Variants in CYREN observed in about 807,000 individuals in gnomAD.
CYREN encodes cell cycle regulator of non-homologous end joining.
Under a neutral mutation model 9.7 loss-of-function variants are expected in CYREN, and 7 were observed. The observed-to-expected ratio is 0.72, with a 90% CI of 0.41 to 1.36. CYREN has a LOEUF of 1.36. Ranked by LOEUF, CYREN falls within the 40% of genes most tolerant of loss-of-function variation. CYREN has a pLI of 0.01. For missense variants in CYREN, 215 were observed against 198.1 expected (o/e 1.09, Z -0.51); for synonymous variants, 76 against 77.9 (o/e 0.98, Z 0.13).
chr7:135,153,772 C>T lies in CYREN; in HGVS notation n.356+14977G>A, dbSNP rs146320424. Among the ~76,000 whole-genome samples the T allele has an allele frequency of 7.9e-5, 12 of 152,272 alleles. No individual in the cohort carries two copies. The East Asian group carries it at 2.1e-3, about 27-fold the overall frequency. Reference sequence around the variant, plus strand: ...ATTTTGTTGAGGATTTTTGCATCTACGTTCACAGGGATATTGGTCTGTGTT... The same window carrying T: ...ATTTTGTTGAGGATTTTTGCATCTATGTTCACAGGGATATTGGTCTGTGTT... On this transcript the variant is annotated intron_variant and non_coding_transcript_variant, in intron 2 of 2. Transcript: ENST00000459937.
intron 2 of CYREN, among the ~76,000 whole-genome samples, chr7:135,142,309 T>C (rs1829467017): frequency 6.6e-6 from 1 of 152,196 alleles, no homozygotes; most frequent in Non-Finnish European, 1.5e-5. Context: ...TCTTTCCATA[T>C]ATTTGCCCTT....
At chr7:135,168,025 C>G (rs1830312524) in intron 2 of CYREN, 4 of 707,890 alleles carry the variant, frequency 5.7e-6, no homozygotes, top group Admixed American at 6.0e-5. Flanking sequence ...CGGGGTGCCT[C>G]CCACCCTCCA....
At chr7:135,092,636 TG>T (rs1585059812) in exon 3 of CYREN, 1 of 152,116 alleles carries the variant, frequency 6.6e-6, no homozygotes, top group East Asian at 1.9e-4. Flanking sequence ...TATTGTGTTA[TG>T]GGGTTACATC....
chr7:135,162,002 C>T (rs1700550128), downstream of CYREN, among the ~76,000 whole-genome samples: 1 of 152,262 alleles, frequency 6.6e-6, no homozygotes, highest in South Asian at 2.1e-4. Context: ...CTCCATCAGC[C>T]AGCCTGCCCA....
At chr7:135,140,078 GT>G (rs36062417) in intron 2 of CYREN, among the ~76,000 whole-genome samples, 73,505 of 150,662 alleles carry the variant, frequency 0.49, 18,184 homozygotes, top group South Asian at 0.66. Context: ...TTTTAGAATA[GT>G]TTTTTTTTTC....
chr7:135,164,761 A>G (rs774234090), downstream of CYREN: 2 of 1,614,192 alleles, frequency 1.2e-6, no homozygotes, highest in Non-Finnish European at 1.7e-6. Context: ...GCCCAGTGCA[A>G]CAGTGATGAG....
chr7:135,104,563 C>CT (rs1824359800), intron 2 of CYREN, among the ~76,000 whole-genome samples: 1 of 152,020 alleles, frequency 6.6e-6, no homozygotes, highest in East Asian at 1.9e-4. Flanking sequence ...ATAAGATTCC[C>CT]TTTTTTCTGC....
intron 2 of CYREN, chr7:135,101,213 C>T: frequency 2.2e-6 from 1 of 456,182 alleles, no homozygotes; most frequent in Non-Finnish European, 4.4e-6. Context: ...AAGTGACATC[C>T]CTGCAGTCTC....
chr7:135,129,024 A>G, intron 2 of CYREN: 1 of 1,608,246 alleles, frequency 6.2e-7, no homozygotes, highest in African/African-American at 1.3e-5. Context: ...CTACTTTGAA[A>G]TCCAGATCAG....
intron 2 of CYREN, among the ~76,000 whole-genome samples, chr7:135,101,705 G>C (rs77069300): frequency 0.015 from 2,235 of 152,206 alleles, 27 homozygotes; most frequent in Middle Eastern, 0.027. Flanking sequence ...CATAGTTTCT[G>C]TCTTGGGATA....
chr7:135,106,147 G>A (rs1297006686), intron 2 of CYREN, among the ~76,000 whole-genome samples: 3 of 151,964 alleles, frequency 2.0e-5, no homozygotes, highest in Non-Finnish European at 4.4e-5. Context: ...CAAGACTGAG[G>A]TTTTCTAGAA....
At chr7:135,158,423 G>C (rs571438250) in intron 2 of CYREN, among the ~76,000 whole-genome samples, 1 of 152,220 alleles carries the variant, frequency 6.6e-6, no homozygotes, top group Non-Finnish European at 1.5e-5. Flanking sequence ...TGAGACCAGA[G>C]AGGGAGGAGC....
intron 2 of CYREN, among the ~76,000 whole-genome samples, chr7:135,110,541 G>T (rs563587537): frequency 2.0e-5 from 3 of 152,140 alleles, no homozygotes; most frequent in African/African-American, 7.2e-5. Context: ...TGGGAGAAGC[G>T]TGGGTCCCCA....
At chr7:135,126,609 G>C (rs1827904849) in intron 2 of CYREN, among the ~76,000 whole-genome samples, 1 of 152,190 alleles carries the variant, frequency 6.6e-6, no homozygotes, top group Non-Finnish European at 1.5e-5. Context: ...GAACAAAGCT[G>C]GAGAGGTATC....
At chr7:135,143,544 A>T (rs1375407690) in intron 2 of CYREN, among the ~76,000 whole-genome samples, 1 of 152,214 alleles carries the variant, frequency 6.6e-6, no homozygotes, top group Non-Finnish European at 1.5e-5. Flanking sequence ...AAAAAAAACT[A>T]GACGGCTGAG....
At chr7:135,108,584 GT>G (rs1825128716) in intron 2 of CYREN, among the ~76,000 whole-genome samples, 1 of 152,054 alleles carries the variant, frequency 6.6e-6, no homozygotes, top group Non-Finnish European at 1.5e-5. Flanking sequence ...AGCTGATGGG[GT>G]TCCCTTTGTA....
At chr7:135,112,864 G>A (rs1178638989) in intron 2 of CYREN, among the ~76,000 whole-genome samples, 3 of 152,108 alleles carry the variant, frequency 2.0e-5, no homozygotes, top group Admixed American at 1.3e-4. Flanking sequence ...TGCAACCTCC[G>A]CCTCCTGGGT....
At chr7:135,112,215 G>T (rs1243720743) in intron 2 of CYREN, among the ~76,000 whole-genome samples, 1 of 152,076 alleles carries the variant, frequency 6.6e-6, no homozygotes, top group Non-Finnish European at 1.5e-5. Flanking sequence ...CTCCTAATTT[G>T]TCTCCCTGCC....
chr7:135,114,856 T>A (rs1783030923), intron 2 of CYREN, among the ~76,000 whole-genome samples: 1 of 152,160 alleles, frequency 6.6e-6, no homozygotes, highest in Non-Finnish European at 1.5e-5. Context: ...TGATTTTCCA[T>A]CTCACACTCA....
Sources: gnomAD v4.1 joint callset for allele counts (sites outside exome capture counted in the v4.1 genomes callset) on GRCh38, gnomAD v4.1.1 for gene constraint, MANE v1.5 for transcripts, NCBI Gene and HGNC (gene_info 2026-07-23, HGNC 2026-07-21) for gene names.